The following SINHCAF variants were observed in gnomAD, a reference collection of about 807,000 sequenced individuals.
SINHCAF encodes SIN3-HDAC complex-associated factor.
A neutral mutation model predicts 25.8 loss-of-function variants in SINHCAF; 3 were observed. That is an observed-to-expected ratio of 0.12 (90% confidence interval 0.05 to 0.30). The LOEUF is 0.30. SINHCAF is among the 10% of genes least tolerant of loss of function. The probability of loss-of-function intolerance (pLI) is 1.00; values close to 1 mark genes in which losing one functional copy is unlikely to be tolerated. For missense variants in SINHCAF, 121 were observed against 262.3 expected (o/e 0.46, Z 3.72); for synonymous variants, 70 against 85.5 (o/e 0.82, Z 1.00).
rs1460374734 is a variant in SINHCAF at position 31,282,796 on chromosome 12, A to G, written c.582T>C (p.Pro194=). 2.5e-6 allele frequency: 4 copies of G among 1,613,430 alleles called. No individual in the cohort carries two copies. The highest frequency in any genetic ancestry group is 1.7e-5 in the Admixed American group (1 of 59,938). The change falls in exon 6 of 6, where the codon CCT becomes CCC. Residue 194 remains proline, a synonymous_variant. Coordinates refer to ENST00000337682, the MANE Select transcript of SINHCAF (RefSeq NM_001135812.2). ...CAGCTGCTTTCTTATTGCTGCAGCA[A>G]GGCTTGAAGAGATGTGTGTCAATGA... ...EVLIDTHLFK[P]CCSNKKAAAE...
chr12:31,287,776 C>A lies in SINHCAF; in HGVS notation c.364G>T (p.Ala122Ser). Residue 122 changes from alanine to serine, a missense_variant, in exon 5 of 6, where the codon GCT becomes TCT. Coordinates refer to ENST00000337682, the MANE Select transcript of SINHCAF (RefSeq NM_001135812.2). ...GAGGCACTTGAGGTGGTACTGTGAG[C>A]ATCAGAATCTGCAATAAAGATTAAG... The part of the protein sequence containing the change: ...QKEFKRHNSD[A>S]HSTTSSASPA... The A allele has an allele frequency of 6.3e-7, 1 of 1,583,426 alleles. No individual in the cohort carries two copies. The highest frequency in any genetic ancestry group is 8.6e-7 in the Non-Finnish European group (1 of 1,164,116).
intron 1 of SINHCAF, among the ~76,000 whole-genome samples, chr12:31,305,635 T>C (rs1938990814): frequency 6.6e-6 from 1 of 151,028 alleles, no homozygotes; most frequent in Admixed American, 6.6e-5. Flanking sequence ...CATTGTTCCA[T>C]TCTACCAATC....
rs1234087253 is a variant in SINHCAF, at chr12:31,324,104, G to A, written c.-21+1920C>T. 4.4e-6 allele frequency: 2 copies of A among 453,620 alleles called. No homozygotes were observed. The highest frequency in any genetic ancestry group is 3.1e-5 in the South Asian group (2 of 64,418). 28.1% of individuals were successfully genotyped at this position (453,620 alleles called of 1,614,324 possible). The stretch of plus-strand genomic sequence containing the variant: ...GGCCGCTCGCCGGGGCGAGGGCGAG[G>A]GCAGCGGGAGGTGAACCGCGTCGCT... On this transcript the variant is annotated intron_variant, in intron 1 of 5. Coordinates refer to ENST00000337682, the MANE Select transcript of SINHCAF (RefSeq NM_001135812.2). The surrounding 1 kb of genome is among the most constrained non-coding windows in gnomAD (Gnocchi z 5.5).
At chr12:31,322,660 G>T (rs903375213) in intron 1 of SINHCAF, among the ~76,000 whole-genome samples, 2 of 152,118 alleles carry the variant, frequency 1.3e-5, no homozygotes, top group African/African-American at 2.4e-5. Context: ...GGGAAAAATA[G>T]GTTTATTAAT....
rs1592994224 is a variant in SINHCAF, at chr12:31,321,087, C to T, written c.-21+4937G>A. Among the ~76,000 whole-genome samples, 5 of 152,320 alleles carry T rather than the reference C, an allele frequency of 3.3e-5. No individual in the cohort carries two copies. In the South Asian group the frequency reaches 1.0e-3, roughly 32 times the overall value. On this transcript the variant is annotated intron_variant, in intron 1 of 5. Coordinates refer to ENST00000337682, the MANE Select transcript of SINHCAF (RefSeq NM_001135812.2). ...AAAACCTCCCTACCTTGAAAACAAA[C>T]TCCCTTTTTGGACTAGATGACATTT...
chr12:31,316,921 G>A (rs1345664553), intron 1 of SINHCAF, among the ~76,000 whole-genome samples: 1 of 152,138 alleles, frequency 6.6e-6, no homozygotes, highest in Non-Finnish European at 1.5e-5. Flanking sequence ...TTAAGGATAT[G>A]GAGAGGGTTC....
At chr12:31,293,714 AG>A (rs752057966) in intron 4 of SINHCAF, 90 bp downstream of exon 4, 1 of 1,132,728 alleles carries the variant, frequency 8.8e-7, no homozygotes, top group Non-Finnish European at 1.2e-6. Flanking sequence ...AAAGCAATAA[AG>A]GAAAAAATGA....
rs970582618 is a variant in SINHCAF, at chr12:31,282,414, G to T, written c.*298C>A. On this transcript the variant is annotated 3_prime_UTR_variant, in exon 6 of 6. Coordinates refer to ENST00000337682, the MANE Select transcript of SINHCAF (RefSeq NM_001135812.2). ...AGGTATCCAAGTTAAAAATAAGAGG[G>T]TCATTTAAGACCAGCCTGGCCAACG... 5.0e-5 allele frequency: 11 copies of T among 218,114 alleles called. No homozygotes were observed. Among genetic ancestry groups the T allele is most frequent in the Non-Finnish European group, 9.9e-5 (11 of 111,672 alleles). The allele number at this position is 218,114 out of a possible 1,614,324, so 13.5% of individuals were successfully genotyped here. A position where few individuals can be genotyped will look rare whatever the true frequency, so the allele number is the denominator to read the frequency against.
At chr12:31,319,259 T>C (rs1460113958) in intron 1 of SINHCAF, among the ~76,000 whole-genome samples, 1 of 152,246 alleles carries the variant, frequency 6.6e-6, no homozygotes, top group Non-Finnish European at 1.5e-5. Context: ...CCGGGCACAG[T>C]GGCTCACGCC....
intron 3 of SINHCAF, among the ~76,000 whole-genome samples, chr12:31,294,799 G>A (rs1249098208): frequency 6.6e-6 from 1 of 152,124 alleles, no homozygotes; most frequent in African/African-American, 2.4e-5. Flanking sequence ...TGCACTTCAT[G>A]AATAAATATA....
chr12:31,297,780 A>AT (rs1274069524), intron 2 of SINHCAF, among the ~76,000 whole-genome samples: 1 of 152,006 alleles, frequency 6.6e-6, no homozygotes, highest in African/African-American at 2.4e-5. Context: ...GTCAAGGGTA[A>AT]TTTTTTTAAA....
chr12:31,323,288 T>G (rs1459680735), intron 1 of SINHCAF, among the ~76,000 whole-genome samples: 1 of 152,204 alleles, frequency 6.6e-6, no homozygotes, highest in Non-Finnish European at 1.5e-5. Context: ...ACTTTTAGAT[T>G]GGGCAACTAA....
At chr12:31,292,158 G>A (rs77499780) in intron 4 of SINHCAF, among the ~76,000 whole-genome samples, 3 of 152,056 alleles carry the variant, frequency 2.0e-5, no homozygotes, top group East Asian at 3.9e-4. Context: ...TCAGTTCCTC[G>A]GCCTTCAAGT....
At chr12:31,298,814 G>C (rs752707906) in intron 1 of SINHCAF, among the ~76,000 whole-genome samples, 1 of 152,122 alleles carries the variant, frequency 6.6e-6, no homozygotes, top group African/African-American at 2.4e-5. Context: ...CTGCTGAAGG[G>C]AAGATGTAAA....
At chr12:31,287,223 A>AT (rs1565489071) in intron 5 of SINHCAF, among the ~76,000 whole-genome samples, 1 of 152,098 alleles carries the variant, frequency 6.6e-6, no homozygotes, top group Non-Finnish European at 1.5e-5. Flanking sequence ...ATATCCTATT[A>AT]TTTTTTAAAT....
In SINHCAF at chr12:31,283,463, C is replaced by T. The variant is rs144692453; in HGVS notation, c.507-592G>A. On this transcript the variant is annotated intron_variant, in intron 5 of 5. Coordinates refer to ENST00000337682, the MANE Select transcript of SINHCAF (RefSeq NM_001135812.2). ...ACTAAAAATGCAAAAATTAGCCAGG[C>T]GTGGTGGCACGTGCCTGTAGTCCCA... is the stretch of plus-strand genomic sequence containing the variant. Among the ~76,000 whole-genome samples, 792 of 151,974 alleles carry T rather than the reference C, an allele frequency of 5.2e-3. 10 individuals are homozygous for T. The highest frequency in any genetic ancestry group is 0.016 in the African/African-American group (652 of 41,436).
intron 1 of SINHCAF, among the ~76,000 whole-genome samples, chr12:31,318,671 C>T (rs1235225446): frequency 6.9e-6 from 1 of 144,832 alleles, no homozygotes; most frequent in Non-Finnish European, 1.5e-5. Flanking sequence ...AAAAGAGAAA[C>T]AAAACTAGGT....
intron 5 of SINHCAF, among the ~76,000 whole-genome samples, chr12:31,283,937 A>G (rs1014245639): frequency 6.6e-6 from 1 of 152,058 alleles, no homozygotes; most frequent in African/African-American, 2.4e-5. Flanking sequence ...GTTGAGATCC[A>G]TACATATTGT....
At chr12:31,289,634 C>T (rs1212341318) in intron 4 of SINHCAF, among the ~76,000 whole-genome samples, 1 of 152,102 alleles carries the variant, frequency 6.6e-6, no homozygotes, top group Non-Finnish European at 1.5e-5. Context: ...TATCATAAAC[C>T]TCATAAACAC....
Sources: allele counts gnomAD v4.1 joint callset (sites outside exome capture counted in the v4.1 genomes callset), GRCh38; gene constraint gnomAD v4.1.1; non-coding constraint Gnocchi (gnomAD v3.1); transcripts MANE v1.5; gene names NCBI Gene and HGNC (gene_info 2026-07-23, HGNC 2026-07-21).